ADARB2: variants seen among roughly 807,000 people sequenced by gnomAD.
The protein encoded by ADARB2 is inactive double-stranded RNA-specific editase B2.
Under a neutral mutation model 62.2 loss-of-function variants are expected in ADARB2, and 25 were observed. The observed-to-expected ratio is 0.40, with a 90% confidence interval of 0.29 to 0.56. The LOEUF (loss-of-function observed/expected upper bound fraction) is 0.56, where lower values mean the gene tolerates loss of function less well. Among genes scored for constraint, ADARB2 ranks in the 20% least tolerant of loss-of-function variants. ADARB2 has a pLI of 0.43. For synonymous variants in ADARB2, 572 were observed against 500.8 expected (o/e 1.14, Z -1.90); for missense variants, 1,071 against 1,077.4 (o/e 0.99, Z 0.08).
intron 1 of ADARB2, among the ~76,000 whole-genome samples, chr10:1,571,646 GCAGGTGAGTGGA>G (rs1222225273): frequency 2.0e-5 from 3 of 152,172 alleles, no homozygotes; most frequent in Non-Finnish European, 2.9e-5. Context: ...AGGTGAGTAT[GCAGGTGAGTGGA>G]CAGGTGAGTG....
chr10:1,613,229 C>G (rs545656633), intron 1 of ADARB2, among the ~76,000 whole-genome samples: 2 of 152,184 alleles, frequency 1.3e-5, no homozygotes, highest in Non-Finnish European at 2.9e-5. Context: ...TCTCAGAATG[C>G]CTTTGGGGCA....
At chr10:1,422,353 G>A (rs1028492322) in intron 1 of ADARB2, among the ~76,000 whole-genome samples, 1 of 152,218 alleles carries the variant, frequency 6.6e-6, no homozygotes, top group Non-Finnish European at 1.5e-5. Context: ...GTGGAATAAG[G>A]ACTCGGGAGT....
intron 4 of ADARB2, among the ~76,000 whole-genome samples, chr10:1,258,614 T>C (rs1831102843): frequency 6.6e-6 from 1 of 152,160 alleles, no homozygotes; most frequent in Non-Finnish European, 1.5e-5. Context: ...TCTAAATATA[T>C]ATGCATCCAA....
At chr10:1,295,481 G>A (rs1831514700) in intron 3 of ADARB2, among the ~76,000 whole-genome samples, 1 of 152,182 alleles carries the variant, frequency 6.6e-6, no homozygotes, top group Admixed American at 6.5e-5. Context: ...CAACATCAGA[G>A]ATGTCCGATG....
chr10:1,602,806 C>T (rs567707199), intron 1 of ADARB2, among the ~76,000 whole-genome samples: 4 of 151,512 alleles, frequency 2.6e-5, no homozygotes, highest in Non-Finnish European at 5.9e-5. Flanking sequence ...TGCATACACA[C>T]CTGTACATCC....
chr10:1,490,768 T>A (rs1036676253), intron 1 of ADARB2, among the ~76,000 whole-genome samples: 3 of 152,228 alleles, frequency 2.0e-5, no homozygotes, highest in African/African-American at 7.2e-5. Context: ...TATTGTTTTT[T>A]TAAATAAGCC....
At chr10:1,708,950 C>T (rs944552876) in intron 1 of ADARB2, among the ~76,000 whole-genome samples, 2 of 152,152 alleles carry the variant, frequency 1.3e-5, no homozygotes, top group African/African-American at 4.8e-5. Flanking sequence ...GTGGTGGACG[C>T]AAGACACACC....
intron 1 of ADARB2, among the ~76,000 whole-genome samples, chr10:1,624,723 T>C (rs1046549745): frequency 4.6e-5 from 7 of 152,220 alleles, no homozygotes; most frequent in African/African-American, 1.7e-4. Context: ...TATGTACTAC[T>C]TGACAGCATA....
chr10:1,463,192 G>A (rs571130940), intron 1 of ADARB2, among the ~76,000 whole-genome samples: 1 of 152,282 alleles, frequency 6.6e-6, no homozygotes, highest in African/African-American at 2.4e-5. Context: ...GTCAGCCCAC[G>A]GTGCCTGGGT....
chr10:1,613,055 C>A (rs986482377), intron 1 of ADARB2, among the ~76,000 whole-genome samples: 4 of 152,188 alleles, frequency 2.6e-5, no homozygotes, highest in Non-Finnish European at 4.4e-5. Context: ...TTCTAGTGGG[C>A]GTAACAGAGC....
intron 1 of ADARB2, among the ~76,000 whole-genome samples, chr10:1,486,400 T>C (rs1831543134): frequency 6.6e-6 from 1 of 152,216 alleles, no homozygotes; most frequent in East Asian, 1.9e-4. Context: ...GATGGATAAT[T>C]AAGTAAATCA....
chr10:1,186,974 A>G (rs1311883279), intron 8 of ADARB2, among the ~76,000 whole-genome samples: 1 of 152,238 alleles, frequency 6.6e-6, no homozygotes, highest in Non-Finnish European at 1.5e-5. Flanking sequence ...GCACAGCCAC[A>G]GACCCCAGAT....
At chr10:1,293,203 A>AGAGG (rs199935369) in intron 3 of ADARB2, among the ~76,000 whole-genome samples, 2 of 49,732 alleles carry the variant, frequency 4.0e-5, no homozygotes, top group Non-Finnish European at 1.0e-4. Context: ...AATAGAAAAA[A>AGAGG]GAGGGAGGGA....
At chr10:1,465,886 A>C (rs35861935) in intron 1 of ADARB2, among the ~76,000 whole-genome samples, 1 of 152,086 alleles carries the variant, frequency 6.6e-6, no homozygotes, top group African/African-American at 2.4e-5. Context: ...CGTCTTTCAG[A>C]GTGTACTTTT....
chr10:1,390,481 C>G (rs758089390), intron 1 of ADARB2, among the ~76,000 whole-genome samples: 2 of 152,030 alleles, frequency 1.3e-5, no homozygotes, highest in Non-Finnish European at 2.9e-5. Flanking sequence ...CAATTAAAAA[C>G]CAAAAATCAT....
intron 1 of ADARB2, among the ~76,000 whole-genome samples, chr10:1,689,997 GTTTGTT>G (rs1834648969): frequency 6.6e-6 from 1 of 151,524 alleles, no homozygotes; most frequent in South Asian, 2.1e-4. Context: ...TTTGTTTTTT[GTTTGTT>G]TTTGTTTGTT....
intron 1 of ADARB2, among the ~76,000 whole-genome samples, chr10:1,643,878 T>A (rs1206402884): frequency 6.6e-6 from 1 of 152,164 alleles, no homozygotes; most frequent in Non-Finnish European, 1.5e-5. Flanking sequence ...GCCTGGTGGA[T>A]TAGGCTGGTC....
intron 3 of ADARB2, among the ~76,000 whole-genome samples, chr10:1,351,868 A>G (rs1397326807): frequency 2.0e-5 from 3 of 150,004 alleles, no homozygotes; most frequent in Non-Finnish European, 4.4e-5. Context: ...TTAGTTCAGG[A>G]TCTGTGCCTT....
intron 4 of ADARB2, among the ~76,000 whole-genome samples, chr10:1,266,861 G>T (rs564324288): frequency 1.3e-5 from 2 of 152,146 alleles, no homozygotes; most frequent in Admixed American, 1.3e-4. Context: ...ATAAGGGAAA[G>T]ATTTAAATAA....
Sources: allele counts gnomAD v4.1 joint callset (sites outside exome capture counted in the v4.1 genomes callset), GRCh38; gene constraint gnomAD v4.1.1; transcripts MANE v1.5; gene names NCBI Gene and HGNC (gene_info 2026-07-23, HGNC 2026-07-21).